Variants in ACACB observed in about 807,000 individuals in gnomAD.
ACACB encodes the protein acetyl-CoA carboxylase beta, also known as acetyl-CoA carboxylase 2.
A neutral mutation model predicts 278.8 loss-of-function variants in ACACB; 209 were observed. The ratio of observed to expected loss-of-function variants is 0.75; its 90% confidence interval spans 0.67 to 0.84. The LOEUF (loss-of-function observed/expected upper bound fraction) is 0.84, where lower values mean the gene tolerates loss of function less well. ACACB is among the 40% of genes least tolerant of loss of function. ACACB has a pLI of 0.00. For synonymous variants in ACACB, 1,174 were observed against 1,285.6 expected (o/e 0.91, Z 1.86); for missense variants, 2,850 against 3,269.0 (o/e 0.87, Z 3.13).
In ACACB at chr12:109,230,782, G is replaced by A. The variant is rs569718320; in HGVS notation, c.4002-1887G>A. 3.3e-4 allele frequency among the ~76,000 whole-genome samples: 50 copies of A among 152,296 alleles called. No homozygotes were observed. The South Asian group carries it at 3.7e-3, about 11-fold the overall frequency. ...AGTCAGCCCTGTTAGGAAGGGAAGG[G>A]CGGCTCTCCTGAGGGCTGTGGGTCA... On this transcript the variant is annotated intron_variant, in intron 28 of 52. Transcript: ENST00000338432.
At chr12:109,263,963 C>T in intron 49 of ACACB, 1 of 383,848 alleles carries the variant, frequency 2.6e-6, no homozygotes, top group East Asian at 4.1e-5. Context: ...ATTTCTGAGA[C>T]TGTACTAGCT....
At chr12:109,210,235 A>ACATATGTACATATACACACATGTGTG (rs2045734851) in intron 21 of ACACB, among the ~76,000 whole-genome samples, 1 of 21,076 alleles carries the variant, frequency 4.7e-5, no homozygotes, top group East Asian at 3.4e-3. Context: ...GTGTATATGT[A>ACATATGTACATATACACACATGTGTG]TATATGTATA....
At chr12:109,119,157 A>G (rs1258692337) in intron 1 of ACACB, among the ~76,000 whole-genome samples, 1 of 152,196 alleles carries the variant, frequency 6.6e-6, no homozygotes, top group East Asian at 1.9e-4. Context: ...GAGAATTTCC[A>G]TGATGGGCTC....
intron 18 of ACACB, among the ~76,000 whole-genome samples, chr12:109,200,878 CATT>C (rs753861342): frequency 9.9e-5 from 15 of 152,212 alleles, no homozygotes; most frequent in Non-Finnish European, 1.8e-4. Flanking sequence ...GTGAAACTGT[CATT>C]ATTCCTCATT....
At chr12:109,168,137 A>T (rs1158148367) in intron 4 of ACACB, 103 bp downstream of exon 4, 1 of 1,278,304 alleles carries the variant, frequency 7.8e-7, no homozygotes, top group Non-Finnish European at 1.1e-6. Flanking sequence ...CCCGATGGTC[A>T]GGACCTCTCA....
chr12:109,173,953 CT>C (rs1372282135), intron 6 of ACACB, among the ~76,000 whole-genome samples, 178 bp from the exon 7 acceptor site: 40 of 152,354 alleles, frequency 2.6e-4, no homozygotes, highest in African/African-American at 9.6e-4. Context: ...CAATAGCAGA[CT>C]AACAGATTAT....
intron 2 of ACACB, among the ~76,000 whole-genome samples, chr12:109,151,265 G>T (rs1216417607): frequency 6.6e-6 from 1 of 152,124 alleles, no homozygotes; most frequent in African/African-American, 2.4e-5. Context: ...TTACAGGTGT[G>T]AGCCACTGCG....
At chr12:109,179,549 C>T (rs1316732297) in intron 10 of ACACB, among the ~76,000 whole-genome samples, 3 of 152,114 alleles carry the variant, frequency 2.0e-5, no homozygotes, top group African/African-American at 4.8e-5. Flanking sequence ...TGCAGTGGTG[C>T]GATGATAGTT....
At chr12:109,193,165 A>G (rs1348838685) in intron 15 of ACACB, among the ~76,000 whole-genome samples, 1 of 151,420 alleles carries the variant, frequency 6.6e-6, no homozygotes, top group African/African-American at 2.4e-5. Context: ...AAGCAATATC[A>G]GGCTGCTCAG....
intron 51 of ACACB, 26 bp downstream of exon 51, chr12:109,265,306 G>C (rs375407991): frequency 3.1e-6 from 5 of 1,611,622 alleles, no homozygotes; most frequent in Non-Finnish European, 4.2e-6. Context: ...GAACGAGGCC[G>C]GTGAGCACAG....
chr12:109,157,272 G>GTTGTTATTATTATTATTATTA (rs148495637), intron 2 of ACACB, among the ~76,000 whole-genome samples: 28 of 143,184 alleles, frequency 2.0e-4, no homozygotes, highest in African/African-American at 6.8e-4. Context: ...TTCTAGAGTT[G>GTTGTTATTATTATTATTATTA]TTATTATTAT....
chr12:109,180,199 G>A, intron 11 of ACACB, 112 bp downstream of exon 11: 2 of 1,124,030 alleles, frequency 1.8e-6, no homozygotes, highest in Non-Finnish European at 2.5e-6. Context: ...CCAGGGGAAT[G>A]ACTGGCCAAA....
At chr12:109,221,813 T>G (rs2046167770) in intron 24 of ACACB, among the ~76,000 whole-genome samples, 1 of 151,474 alleles carries the variant, frequency 6.6e-6, no homozygotes, top group South Asian at 2.1e-4. Flanking sequence ...TTTGGGGAGT[T>G]GTATATAAAG....
intron 2 of ACACB, among the ~76,000 whole-genome samples, chr12:109,140,525 C>T (rs2043097689): frequency 2.6e-5 from 4 of 152,106 alleles, no homozygotes. Context: ...GGCATGCAGG[C>T]GTGTGCCTGT....
rs748133359 is a variant in ACACB at position 109,260,518 on chromosome 12, G to A, written c.6535G>A (p.Val2179Met). 5.7e-5 allele frequency: 92 copies of A among 1,614,086 alleles called. No individual in the cohort carries two copies. The highest frequency in any genetic ancestry group is 4.8e-4 in the Admixed American group (29 of 60,012). ...GGTGCTGAAGTTTGGAGCCTACATCGTGGACGGCCTTAGACAATACAAACA... is the reference window on the plus strand; with the variant it reads ...GGTGCTGAAGTTTGGAGCCTACATCATGGACGGCCTTAGACAATACAAACA... Reference protein sequence around the residue: ...DQVLKFGAYIVDGLRQYKQPI... With the variant: ...DQVLKFGAYIMDGLRQYKQPI... The change falls in exon 48 of 53, where the codon GTG becomes ATG. Residue 2179 changes from valine to methionine, a missense_variant. Physicochemically the swap from Val to Met is conservative, Grantham distance 21. Coordinates refer to ENST00000338432, the MANE Select transcript of ACACB (RefSeq NM_001093.4).
intron 1 of ACACB, among the ~76,000 whole-genome samples, chr12:109,120,542 CATGTGTGTATGCATGCATGTGTGTGTGT>C (rs2042520629): frequency 6.6e-6 from 1 of 151,918 alleles, no homozygotes; most frequent in Non-Finnish European, 1.5e-5. Flanking sequence ...TGTGTGTGTG[CATGTGTGTATGCATGCATGTGTGTGTGT>C]ATGTGTGTGT....
chr12:109,191,830 A>C lies in ACACB; in HGVS notation c.2296-17A>C. 6.2e-7 allele frequency: 1 copy of C among 1,614,160 alleles called. No individual in the cohort carries two copies. ...GACCTCGGCTTCCTGAGGATACTGAAGTGCATTTTCTCCTAGGCGGAGAAA... is the reference window on the plus strand; with the variant it reads ...GACCTCGGCTTCCTGAGGATACTGACGTGCATTTTCTCCTAGGCGGAGAAA... On this transcript the variant is annotated splice_polypyrimidine_tract_variant and intron_variant, in intron 14 of 52. Coordinates refer to ENST00000338432, the MANE Select transcript of ACACB (RefSeq NM_001093.4).
Position 109,191,636 on chromosome 12 carries a change from A to C in ACACB, c.2168A>C (p.Glu723Ala). The change falls in exon 14 of 53, where the codon GAA (glutamate) becomes GCA (alanine). Residue 723 changes from glutamate to alanine, a missense_variant. Physicochemically the swap from Glu to Ala is moderately radical, Grantham distance 107. Transcript: ENST00000338432. Reference protein sequence around the residue: ...AISNMVVALKELSIRGDFRTT... With the variant: ...AISNMVVALKALSIRGDFRTT... ...AGGAACATGGTGGTGGCTTTGAAGG[A>C]ACTGTCCATCCGAGGCGACTTTAGG... The C allele has an allele frequency of 6.2e-7, 1 of 1,614,118 alleles. No individual in the cohort carries two copies. Among genetic ancestry groups the C allele is most frequent in the Non-Finnish European group, 8.5e-7 (1 of 1,180,024 alleles).
chr12:109,244,371 C>A (rs1009107198), intron 37 of ACACB, among the ~76,000 whole-genome samples: 6 of 152,108 alleles, frequency 3.9e-5, no homozygotes, highest in Non-Finnish European at 7.4e-5. Flanking sequence ...CCTCTCTGGG[C>A]CTCAGTTTCC....
Sources: gnomAD v4.1 joint callset for allele counts (sites outside exome capture counted in the v4.1 genomes callset) on GRCh38, gnomAD v4.1.1 for gene constraint, MANE v1.5 for transcripts, NCBI Gene and HGNC (gene_info 2026-07-23, HGNC 2026-07-21) for gene names.